The following JAK1 variants were observed in gnomAD, a reference collection of about 807,000 sequenced individuals.
JAK1 encodes Janus kinase 1, also known as tyrosine-protein kinase JAK1.
JAK1 carries 16 observed loss-of-function variants against 136.6 expected under a neutral mutation model. The observed-to-expected ratio is 0.12, with a 90% CI of 0.08 to 0.18. The LOEUF is 0.18. JAK1 is among the 10% of genes least tolerant of loss of function. The pLI is 1.00. For synonymous variants in JAK1, 492 were observed against 519.5 expected, an observed-to-expected ratio of 0.95 and a Z score of 0.72; for missense variants, 859 against 1,450.1, an observed-to-expected ratio of 0.59 and a Z score of 6.62.
chr1:64,985,736 C>A, intron 2 of JAK1: 1 of 679,482 alleles, frequency 1.5e-6, no homozygotes, highest in Admixed American at 2.2e-5. Context: ...AGGCCAGGAT[C>A]AGTATTTCAA....
At chr1:65,014,618 A>C (rs1247614983) in intron 2 of JAK1, among the ~76,000 whole-genome samples, 1 of 152,152 alleles carries the variant, frequency 6.6e-6, no homozygotes, top group East Asian at 1.9e-4. Context: ...CTGCAATGGA[A>C]GCCAAATGAC....
intron 1 of JAK1, among the ~76,000 whole-genome samples, chr1:64,934,389 A>G (rs1362683031): frequency 6.6e-6 from 1 of 152,192 alleles, no homozygotes; most frequent in Non-Finnish European, 1.5e-5. Flanking sequence ...CACACCAAGG[A>G]ACCAGGCAGT....
chr1:64,953,319 C>T lies in JAK1; in HGVS notation c.-78+13014G>A, dbSNP rs1431744623. On this transcript the variant is annotated intron_variant, in intron 1 of 24. Transcript: ENST00000342505. The stretch of plus-strand genomic sequence containing the variant: ...AAACTTCCTCTGTGACAGGTCTACA[C>T]AGTCCATTTACAATTGAGAAAAAAA... Among the ~76,000 whole-genome samples the T allele has an allele frequency of 1.8e-4, 27 of 151,720 alleles. 1 individual carries two copies. The highest frequency in any genetic ancestry group is 4.4e-5 in the Non-Finnish European group (3 of 67,976).
chr1:64,875,638 T>A (rs1231442615), intron 4 of JAK1, among the ~76,000 whole-genome samples: 1 of 152,268 alleles, frequency 6.6e-6, no homozygotes, highest in Non-Finnish European at 1.5e-5. Context: ...CAGCCCATCT[T>A]CCTTGTAATT....
At chr1:64,886,511 A>G (rs1186762400) in intron 1 of JAK1, among the ~76,000 whole-genome samples, 170 bp from the exon 2 acceptor site, 1 of 152,152 alleles carries the variant, frequency 6.6e-6, no homozygotes, top group Non-Finnish European at 1.5e-5. Context: ...GGACATCGAG[A>G]GGACAGAGAG....
intron 1 of JAK1, among the ~76,000 whole-genome samples, chr1:64,899,994 T>A (rs1645080177): frequency 6.6e-6 from 1 of 152,232 alleles, no homozygotes; most frequent in Admixed American, 6.5e-5. Context: ...AAGGTGTTTG[T>A]GATAGTAGTT....
At chr1:64,875,034 T>C (rs1418003699) in intron 4 of JAK1, among the ~76,000 whole-genome samples, 1 of 152,218 alleles carries the variant, frequency 6.6e-6, no homozygotes, top group Admixed American at 6.5e-5. Context: ...ATAAAAAATA[T>C]TACAAGTTAT....
chr1:65,044,517 CT>C (rs2100843004), exon 2 of JAK1, among the ~76,000 whole-genome samples: 1 of 152,296 alleles, frequency 6.6e-6, no homozygotes, highest in South Asian at 2.1e-4. Context: ...CAGCTTGGTG[CT>C]GTAGAGAGTC....
intron 2 of JAK1, chr1:64,985,772 C>A: frequency 1.6e-6 from 1 of 644,600 alleles, no homozygotes; most frequent in African/African-American, 1.8e-5. Context: ...TACACAGTCC[C>A]ATAAGGCAGC....
chr1:65,009,894 C>T (rs1646834239), intron 2 of JAK1, among the ~76,000 whole-genome samples: 1 of 152,312 alleles, frequency 6.6e-6, no homozygotes, highest in African/African-American at 2.4e-5. Flanking sequence ...TTTGTATTGA[C>T]TCCTGTGCCC....
chr1:64,997,735 G>A (rs1025330095), intron 2 of JAK1, among the ~76,000 whole-genome samples: 6 of 152,088 alleles, frequency 3.9e-5, no homozygotes, highest in Non-Finnish European at 7.4e-5. Flanking sequence ...GGACTGTTGT[G>A]GGGAGGAGTC....
At chr1:64,845,030 G>A in intron 15 of JAK1, 141 bp from the exon 16 acceptor site, 2 of 1,145,948 alleles carry the variant, frequency 1.7e-6, no homozygotes, top group Non-Finnish European at 2.5e-6. Context: ...TCATCTGTGT[G>A]ACTTAGGCAC....
At chr1:64,988,958 G>GTATGTATGTGTATATATATA (rs1557745400) in intron 2 of JAK1, among the ~76,000 whole-genome samples, 1 of 111,588 alleles carries the variant, frequency 9.0e-6, no homozygotes, top group African/African-American at 4.9e-5. Flanking sequence ...GTATATATAT[G>GTATGTATGTGTATATATATA]TATGTATGTA....
chr1:64,881,184 C>A (rs1429792811), intron 3 of JAK1, among the ~76,000 whole-genome samples: 7 of 151,688 alleles, frequency 4.6e-5, no homozygotes. Context: ...ACCTTTTGAG[C>A]CCAGGAGGTC....
chr1:64,874,046 G>T (rs2101165139), intron 4 of JAK1, among the ~76,000 whole-genome samples: 1 of 152,288 alleles, frequency 6.6e-6, no homozygotes, highest in Middle Eastern at 3.4e-3. Flanking sequence ...TTTTAAAAGA[G>T]AGCTACCCAA....
intron 2 of JAK1, among the ~76,000 whole-genome samples, chr1:65,012,888 T>A (rs2100773926): frequency 6.9e-6 from 1 of 145,726 alleles, no homozygotes; most frequent in East Asian, 2.0e-4. Flanking sequence ...GGTCAGGAGA[T>A]CAAGACCATC....
rs368419527 is a variant in JAK1, at chr1:65,055,077, A to C, written c.-180-10495T>G. 1.5e-4 allele frequency among the ~76,000 whole-genome samples: 23 copies of C among 152,274 alleles called. 1 individual carries two copies. The highest frequency in any genetic ancestry group is 3.3e-4 in the Admixed American group (5 of 15,296). Reference sequence around the variant, plus strand: ...GTACATTGTGTCATTAAGCACATTCATGTTGTTGTGCAACTGCCATCATCC... The same window carrying C: ...GTACATTGTGTCATTAAGCACATTCCTGTTGTTGTGCAACTGCCATCATCC... On this transcript the variant is annotated intron_variant, in intron 1 of 25. Transcript: ENST00000671954.
chr1:65,009,896 C>G (rs1646834262), intron 2 of JAK1, among the ~76,000 whole-genome samples: 1 of 152,184 alleles, frequency 6.6e-6, no homozygotes, highest in South Asian at 2.1e-4. Context: ...TGTATTGACT[C>G]CTGTGCCCTC....
intron 8 of JAK1, among the ~76,000 whole-genome samples, 158 bp from the exon 9 acceptor site, chr1:64,860,420 ATTTATT>A (rs1329452444): frequency 3.2e-3 from 90 of 28,042 alleles, no homozygotes; most frequent in Middle Eastern, 0.012. Context: ...CCTTGCATGC[ATTTATT>A]TATTTATTTA....
Sources: gnomAD v4.1 joint callset for allele counts (sites outside exome capture counted in the v4.1 genomes callset) on GRCh38, gnomAD v4.1.1 for gene constraint, MANE v1.5 for transcripts, NCBI Gene and HGNC (gene_info 2026-07-23, HGNC 2026-07-21) for gene names.